The following CNDP1 variants were observed in gnomAD, a reference collection of about 807,000 sequenced individuals.
CNDP1 encodes the protein beta-Ala-His dipeptidase.
Under a neutral mutation model 58.1 loss-of-function variants are expected in CNDP1, and 44 were observed. The observed-to-expected ratio is 0.76, with a 90% CI of 0.60 to 0.97. The LOEUF (loss-of-function observed/expected upper bound fraction) is 0.97, where lower values mean the gene tolerates loss of function less well. Among genes scored for constraint, CNDP1 ranks in the 50% least tolerant of loss-of-function variants. CNDP1 has a pLI of 0.00. For synonymous variants in CNDP1, 254 were observed against 252.6 expected (o/e 1.01, Z -0.05); for missense variants, 616 against 655.1 (o/e 0.94, Z 0.65).
intron 5 of CNDP1, among the ~76,000 whole-genome samples, chr18:74,564,626 TG>T (rs34785330): frequency 1.3e-5 from 2 of 152,222 alleles, no homozygotes; most frequent in African/African-American, 4.8e-5. Context: ...AAATTCCTTT[TG>T]GGGAGAAGGA....
chr18:74,564,358 G>A (rs970428860), intron 5 of CNDP1, among the ~76,000 whole-genome samples: 31 of 152,122 alleles, frequency 2.0e-4, no homozygotes, highest in African/African-American at 7.2e-4. Context: ...GGGGGAAGAA[G>A]CATGTTGTAA....
intron 7 of CNDP1, among the ~76,000 whole-genome samples, chr18:74,572,158 TTGTCCTGGTGC>T (rs1408867308): frequency 4.6e-5 from 7 of 152,078 alleles, no homozygotes; most frequent in Admixed American, 6.6e-5. Context: ...AGTTCCCCGA[TTGTCCTGGTGC>T]TGTCCTTGAT....
intron 1 of CNDP1, among the ~76,000 whole-genome samples, chr18:74,554,624 G>C (rs955864190): frequency 3.9e-5 from 6 of 152,222 alleles, no homozygotes; most frequent in African/African-American, 1.2e-4. Flanking sequence ...ATTCAGCAAT[G>C]CATTTGGGAA....
chr18:74,546,872 G>A (rs890150066), intron 1 of CNDP1, among the ~76,000 whole-genome samples: 8 of 152,328 alleles, frequency 5.3e-5, no homozygotes, highest in African/African-American at 1.9e-4. Context: ...ATGAGTCTAA[G>A]CTGAACTTGG....
chr18:74,561,999 G>A, intron 4 of CNDP1, 48 bp from the exon 5 acceptor site: 1 of 1,498,314 alleles, frequency 6.7e-7, no homozygotes, highest in East Asian at 2.3e-5. Context: ...TAACTCACAT[G>A]GCAGAGGTGT....
At chr18:74,569,212 C>T (rs141032780) in intron 6 of CNDP1, among the ~76,000 whole-genome samples, 53 of 152,170 alleles carry the variant, frequency 3.5e-4, no homozygotes, top group East Asian at 3.9e-4. Flanking sequence ...GCCTAGTGAA[C>T]GGAAAGTCTT....
chr18:74,584,229 C>A, intron 11 of CNDP1: 1 of 456,474 alleles, frequency 2.2e-6, no homozygotes. Flanking sequence ...ATTGTTTGAC[C>A]CTGATATCCA....
At position 74,555,955 on chromosome 18, in the gene CNDP1, T is replaced by C. The variant is rs139514561; in HGVS notation, c.25-383T>C. The stretch of plus-strand genomic sequence containing the variant: ...AGAGCAGTTCATCACACATGGAAGA[T>C]TTTTGCGTGTTTGTTTTTGGTTCTA... On this transcript the variant is annotated intron_variant, in intron 1 of 11. Transcript: ENST00000358821. Among the ~76,000 whole-genome samples, 803 of 152,224 alleles carry C rather than the reference T, an allele frequency of 5.3e-3. 7 individuals are homozygous for C. The highest frequency in any genetic ancestry group is 0.019 in the African/African-American group (769 of 41,518).
chr18:74,544,377 G>A (rs965770839), intron 1 of CNDP1, among the ~76,000 whole-genome samples: 1 of 152,166 alleles, frequency 6.6e-6, no homozygotes, highest in Non-Finnish European at 1.5e-5. Flanking sequence ...TATGTCATGA[G>A]AGCCAGACAG....
At chr18:74,573,464 C>CTATG (rs1254216026) in intron 7 of CNDP1, among the ~76,000 whole-genome samples, 1 of 150,754 alleles carries the variant, frequency 6.6e-6, no homozygotes, top group South Asian at 2.1e-4. Context: ...ATCTATCTAT[C>CTATG]TATCTATCTA....
chr18:74,570,273 A>G (rs931841492), intron 6 of CNDP1, among the ~76,000 whole-genome samples: 11 of 151,620 alleles, frequency 7.3e-5, no homozygotes, highest in African/African-American at 2.7e-4. Flanking sequence ...TGATAGGAAA[A>G]CAGGTTAATG....
intron 7 of CNDP1, among the ~76,000 whole-genome samples, chr18:74,571,479 C>A (rs915591383): frequency 1.3e-5 from 2 of 152,116 alleles, no homozygotes; most frequent in Admixed American, 1.3e-4. Flanking sequence ...TTCTTCAGTT[C>A]ATCCATTTTG....
At chr18:74,565,566 A>G (rs568416692) in intron 5 of CNDP1, among the ~76,000 whole-genome samples, 103 of 152,306 alleles carry the variant, frequency 6.8e-4, no homozygotes, top group African/African-American at 2.5e-3. Context: ...CAAGTCTGAA[A>G]TCCAGGGGTC....
chr18:74,572,946 C>T (rs1275908071), intron 7 of CNDP1, among the ~76,000 whole-genome samples: 1 of 152,124 alleles, frequency 6.6e-6, no homozygotes, highest in African/African-American at 2.4e-5. Context: ...GTACAATCAG[C>T]CCAGATGGCC....
At chr18:74,565,675 C>G (rs1291462295) in intron 5 of CNDP1, among the ~76,000 whole-genome samples, 1 of 152,190 alleles carries the variant, frequency 6.6e-6, no homozygotes, top group Non-Finnish European at 1.5e-5. Context: ...GGTGGCTCTG[C>G]CCCTGTGGCT....
intron 10 of CNDP1, among the ~76,000 whole-genome samples, chr18:74,581,158 G>A (rs1486372359): frequency 1.3e-5 from 2 of 151,722 alleles, no homozygotes. Flanking sequence ...AGTGAGGCAG[G>A]AAGTTGAAAA....
At chr18:74,547,161 C>T (rs761927260) in intron 1 of CNDP1, among the ~76,000 whole-genome samples, 12 of 152,180 alleles carry the variant, frequency 7.9e-5, no homozygotes, top group Non-Finnish European at 1.5e-4. Context: ...GTTTAAAATC[C>T]TGTGATGGTG....
chr18:74,583,030 A>C (rs946818011), intron 10 of CNDP1, among the ~76,000 whole-genome samples: 2 of 152,212 alleles, frequency 1.3e-5, no homozygotes, highest in Non-Finnish European at 2.9e-5. Flanking sequence ...ATTTAGAGAC[A>C]GAGTCTCGCT....
chr18:74,542,400 T>C (rs1980648209), intron 1 of CNDP1, among the ~76,000 whole-genome samples: 1 of 152,170 alleles, frequency 6.6e-6, no homozygotes. Flanking sequence ...CTTGCTCTCC[T>C]CCAGTTTGGG....
Sources: allele counts gnomAD v4.1 joint callset (sites outside exome capture counted in the v4.1 genomes callset), GRCh38; gene constraint gnomAD v4.1.1; transcripts MANE v1.5; gene names NCBI Gene and HGNC (gene_info 2026-07-23, HGNC 2026-07-21).